TMEM132D: variants seen among roughly 807,000 people sequenced by gnomAD.
The protein encoded by TMEM132D is mature OL transmembrane protein.
In TMEM132D, 21 loss-of-function variants were observed where a neutral mutation model predicts 62.3. The ratio of observed to expected loss-of-function variants is 0.34; its 90% confidence interval spans 0.24 to 0.49. The LOEUF (loss-of-function observed/expected upper bound fraction) is 0.49, where lower values mean the gene tolerates loss of function less well. Ranked by LOEUF, TMEM132D falls within the 20% of genes least tolerant of loss-of-function variation. TMEM132D has a pLI of 0.99. For missense variants in TMEM132D, 1,346 were observed against 1,402.8 expected (o/e 0.96, Z 0.65); for synonymous variants, 621 against 575.6 (o/e 1.08, Z -1.13).
At chr12:129,728,610 A>C (rs2137250195) in intron 1 of TMEM132D, among the ~76,000 whole-genome samples, 1 of 152,328 alleles carries the variant, frequency 6.6e-6, no homozygotes, top group Admixed American at 6.5e-5. Flanking sequence ...TTTTGGGAGT[A>C]AATTCCGTTT....
chr12:129,499,547 T>C (rs1337596766), intron 3 of TMEM132D, among the ~76,000 whole-genome samples: 2 of 152,168 alleles, frequency 1.3e-5, no homozygotes, highest in African/African-American at 4.8e-5. Context: ...CTTTCCCCCA[T>C]AGGGACACAT....
intron 3 of TMEM132D, among the ~76,000 whole-genome samples, chr12:129,361,214 T>C (rs1870239197): frequency 6.6e-6 from 1 of 152,126 alleles, no homozygotes; most frequent in Non-Finnish European, 1.5e-5. Context: ...GAGACACAGG[T>C]GAGCTTGCAT....
At chr12:129,561,963 AT>A (rs747327423) in intron 2 of TMEM132D, among the ~76,000 whole-genome samples, 1 of 152,216 alleles carries the variant, frequency 6.6e-6, no homozygotes, top group Non-Finnish European at 1.5e-5. Context: ...GTGCAAATTA[AT>A]TCAGAGCGTT....
chr12:129,338,511 A>G (rs112947574), intron 3 of TMEM132D, among the ~76,000 whole-genome samples: 2,326 of 152,308 alleles, frequency 0.015, 54 homozygotes, highest in African/African-American at 0.053. Context: ...GTAATTAATT[A>G]GCTGCCTGCC....
chr12:129,093,193 G>A (rs1299618485), intron 5 of TMEM132D, among the ~76,000 whole-genome samples: 2 of 152,150 alleles, frequency 1.3e-5, no homozygotes, highest in Non-Finnish European at 2.9e-5. Context: ...TGTACAGAGG[G>A]AAAAACAGGC....
intron 2 of TMEM132D, among the ~76,000 whole-genome samples, chr12:129,639,382 T>TG (rs1555223165): frequency 2.2e-5 from 2 of 90,470 alleles, no homozygotes; most frequent in Non-Finnish European, 4.2e-5. Context: ...GACTCTGTCT[T>TG]AAAAAAAAAA....
At chr12:129,209,464 G>A (rs1245279218) in intron 5 of TMEM132D, 56 bp downstream of exon 5, 36 of 1,603,452 alleles carry the variant, frequency 2.2e-5, no homozygotes, top group Non-Finnish European at 2.8e-5. Context: ...TGGTCCAGGA[G>A]CACAGAAGCT....
intron 4 of TMEM132D, among the ~76,000 whole-genome samples, chr12:129,284,614 A>G (rs553160644): frequency 6.6e-5 from 10 of 152,368 alleles, no homozygotes; most frequent in Non-Finnish European, 1.2e-4. Flanking sequence ...ACATGTAAAC[A>G]TATGTTCATG....
At chr12:129,761,309 G>T (rs1311166587) in intron 1 of TMEM132D, among the ~76,000 whole-genome samples, 1 of 151,958 alleles carries the variant, frequency 6.6e-6, no homozygotes, top group South Asian at 2.1e-4. Context: ...CACGGTTCCT[G>T]CACACTTCTG....
At chr12:129,639,466 C>T (rs1171530062) in intron 2 of TMEM132D, among the ~76,000 whole-genome samples, 1 of 151,258 alleles carries the variant, frequency 6.6e-6, no homozygotes, top group East Asian at 1.9e-4. Context: ...CTTCTTTACT[C>T]CAAGGGCTTT....
At chr12:129,396,733 C>T (rs1017525170) in intron 3 of TMEM132D, among the ~76,000 whole-genome samples, 1 of 152,098 alleles carries the variant, frequency 6.6e-6, no homozygotes, top group East Asian at 1.9e-4. Context: ...CTTAAAGCAC[C>T]TAAACTCAAC....
intron 3 of TMEM132D, among the ~76,000 whole-genome samples, chr12:129,530,070 T>A (rs558746411): frequency 2.6e-5 from 4 of 152,214 alleles, no homozygotes; most frequent in African/African-American, 9.6e-5. Flanking sequence ...CTGCTGATAA[T>A]CCAAATTCCT....
At chr12:129,211,383 T>A (rs1013740) in intron 4 of TMEM132D, among the ~76,000 whole-genome samples, 1 of 151,988 alleles carries the variant, frequency 6.6e-6, no homozygotes, top group Non-Finnish European at 1.5e-5. Context: ...CGCTTTATTT[T>A]CCTTCTAAGA....
intron 5 of TMEM132D, among the ~76,000 whole-genome samples, chr12:129,101,684 G>T (rs1466330618): frequency 6.6e-6 from 1 of 152,146 alleles, no homozygotes. Context: ...TCACTCCAAG[G>T]TAGTTGCTTG....
chr12:129,521,088 T>C (rs975469312), intron 3 of TMEM132D, among the ~76,000 whole-genome samples: 3 of 152,240 alleles, frequency 2.0e-5, no homozygotes, highest in Non-Finnish European at 4.4e-5. Context: ...TCTTGTAGAC[T>C]TTGAATTTGA....
intron 5 of TMEM132D, among the ~76,000 whole-genome samples, chr12:129,097,849 G>A (rs921719057): frequency 6.6e-6 from 1 of 152,198 alleles, no homozygotes; most frequent in African/African-American, 2.4e-5. Context: ...GTAACATTCT[G>A]GTTCCCTTCA....
chr12:129,691,583 G>T (rs1458117623), intron 2 of TMEM132D, among the ~76,000 whole-genome samples: 1 of 151,984 alleles, frequency 6.6e-6, no homozygotes, highest in African/African-American at 2.4e-5. Context: ...AGATAATAAT[G>T]CAGTATACAT....
intron 1 of TMEM132D, among the ~76,000 whole-genome samples, chr12:129,801,143 C>T (rs910884480): frequency 2.6e-5 from 4 of 152,184 alleles, no homozygotes; most frequent in East Asian, 1.9e-4. Context: ...GGGGGAGGGG[C>T]GCCCGCCATT....
chr12:129,376,443 G>A (rs1223764073), intron 3 of TMEM132D, among the ~76,000 whole-genome samples: 2 of 152,168 alleles, frequency 1.3e-5, no homozygotes, highest in Admixed American at 6.5e-5. Flanking sequence ...ACTATCATGA[G>A]AACAGCAGGG....
Sources: allele counts gnomAD v4.1 joint callset (sites outside exome capture counted in the v4.1 genomes callset), GRCh38; gene constraint gnomAD v4.1.1; transcripts MANE v1.5; gene names NCBI Gene and HGNC (gene_info 2026-07-23, HGNC 2026-07-21).